Variants in PCDH15 observed in about 807,000 individuals in gnomAD.
PCDH15 encodes the protein protocadherin related 15, also known as protocadherin-15.
PCDH15 carries 129 observed loss-of-function variants against 178.5 expected under a neutral mutation model. The observed-to-expected ratio is 0.72, with a 90% CI of 0.63 to 0.84. The LOEUF is 0.84. Ranked by LOEUF, PCDH15 falls within the 40% of genes least tolerant of loss-of-function variation. The pLI is 0.00. For missense variants in PCDH15, 2,230 were observed against 2,099.9 expected, an observed-to-expected ratio of 1.06 and a Z score of -1.21; for synonymous variants, 800 against 732.0, an observed-to-expected ratio of 1.09 and a Z score of -1.50.
chr10:53,950,454 A>G (rs1003282118), intron 23 of PCDH15, among the ~76,000 whole-genome samples: 1 of 152,160 alleles, frequency 6.6e-6, no homozygotes, highest in African/African-American at 2.4e-5. Flanking sequence ...ACAAAGGCCT[A>G]CCTATATAGG....
intron 9 of PCDH15, among the ~76,000 whole-genome samples, chr10:54,216,115 T>C (rs1469991661): frequency 7.0e-6 from 1 of 143,376 alleles, no homozygotes; most frequent in African/African-American, 2.6e-5. Context: ...AATATATATA[T>C]ATAGGTTTAT....
At position 54,169,247 on chromosome 10, in the gene PCDH15, G is replaced by A. The variant is rs1339070954; in HGVS notation, c.1590+14197C>T. ...AAGACTGACACTGCTTGATCGCCTCGGAAGCCCCCTAGACAATCACGGACG... is the reference window on the plus strand; with the variant it reads ...AAGACTGACACTGCTTGATCGCCTCAGAAGCCCCCTAGACAATCACGGACG... On this transcript the variant is annotated intron_variant, in intron 13 of 37. Transcript: ENST00000644397. Among the ~76,000 whole-genome samples, 2 of 61,800 alleles carry A rather than the reference G, an allele frequency of 3.2e-5. 1 individual carries two copies. The highest frequency in any genetic ancestry group is 7.1e-5 in the Non-Finnish European group (2 of 28,294). The allele number at this position is 61,800 out of a possible 152,430, so 40.5% of individuals were successfully genotyped here.
intron 18 of PCDH15, among the ~76,000 whole-genome samples, chr10:54,057,327 A>T (rs1371641660): frequency 3.9e-5 from 6 of 152,112 alleles, no homozygotes; most frequent in African/African-American, 1.4e-4. Flanking sequence ...CTGCAGCATA[A>T]CTCTGCCTGG....
intron 32 of PCDH15, among the ~76,000 whole-genome samples, chr10:53,824,312 T>C (rs960660693): frequency 4.6e-5 from 7 of 152,162 alleles, no homozygotes; most frequent in African/African-American, 7.2e-5. Context: ...GGCTGATTGA[T>C]AGGTGGTTCC....
At chr10:54,936,222 T>C (rs982543374) in intron 2 of PCDH15, among the ~76,000 whole-genome samples, 1 of 152,074 alleles carries the variant, frequency 6.6e-6, no homozygotes, top group Non-Finnish European at 1.5e-5. Context: ...GCATATTTAT[T>C]TTATTGCCAT....
intron 33 of PCDH15, chr10:53,818,517 C>T (rs1386414198): frequency 3.9e-5 from 6 of 152,098 alleles, no homozygotes; most frequent in African/African-American, 1.4e-4. Context: ...ATAATACAAA[C>T]TATTGGCTGT....
intron 1 of PCDH15, among the ~76,000 whole-genome samples, chr10:54,787,144 G>T (rs1950952856): frequency 6.6e-6 from 1 of 151,552 alleles, no homozygotes; most frequent in South Asian, 2.1e-4. Flanking sequence ...CAGTTAATTG[G>T]TTCATTAATT....
chr10:53,823,030 G>A (rs2076407101), intron 32 of PCDH15: 3 of 1,613,808 alleles, frequency 1.9e-6, no homozygotes, highest in African/African-American at 1.3e-5. Flanking sequence ...TTTTCTCTTG[G>A]GCCCCTCAGA....
At chr10:54,609,609 C>T (rs1403020596) in intron 2 of PCDH15, among the ~76,000 whole-genome samples, 2 of 151,914 alleles carry the variant, frequency 1.3e-5, no homozygotes, top group Non-Finnish European at 2.9e-5. Flanking sequence ...AATAACCCAT[C>T]CTTGACTGAT....
At chr10:54,709,165 C>T (rs2095400645) in intron 1 of PCDH15, among the ~76,000 whole-genome samples, 2 of 152,072 alleles carry the variant, frequency 1.3e-5, no homozygotes, top group Admixed American at 6.6e-5. Flanking sequence ...CTTACACCTC[C>T]CTCTGATAAG....
chr10:54,486,408 T>C (rs1268044531), intron 3 of PCDH15: 1 of 152,084 alleles, frequency 6.6e-6, no homozygotes, highest in Non-Finnish European at 1.5e-5. Context: ...TTTTATATTC[T>C]TAAAATATTT....
rs553547481 is a variant in PCDH15 at position 55,468,846 on chromosome 10, G to C, written c.-156+158779C>G. 6.6e-5 allele frequency among the ~76,000 whole-genome samples: 10 copies of C among 152,214 alleles called. No individual in the cohort carries two copies. The South Asian group carries it at 1.9e-3, about 28-fold the overall frequency. On this transcript the variant is annotated intron_variant, in intron 2 of 5. Transcript: ENST00000613346. ...AACTATATCTCCAGCTTTAAAGCAA[G>C]AGAAGAATCATAATACTTATCTCTT... is the stretch of plus-strand genomic sequence containing the variant.
intron 1 of PCDH15, among the ~76,000 whole-genome samples, chr10:55,197,535 TA>T (rs1274824777): frequency 3.3e-5 from 5 of 152,234 alleles, no homozygotes; most frequent in African/African-American, 1.2e-4. Flanking sequence ...TTCAGATTCT[TA>T]AAAATGCCAT....
intron 25 of PCDH15, among the ~76,000 whole-genome samples, chr10:53,917,435 AG>A (rs2083618776): frequency 6.6e-6 from 1 of 152,228 alleles, no homozygotes; most frequent in Non-Finnish European, 1.5e-5. Flanking sequence ...AAATAAAAAA[AG>A]ATGAATAAAT....
rs78286984 is a variant in PCDH15, at chr10:55,566,037, C to T, written c.-156+61588G>A. 8.9e-3 allele frequency among the ~76,000 whole-genome samples: 1,356 copies of T among 151,550 alleles called. 17 individuals are homozygous for T. Among genetic ancestry groups the T allele is most frequent in the African/African-American group, 0.031 (1,272 of 41,428 alleles). On this transcript the variant is annotated intron_variant, in intron 2 of 5. Coordinates refer to the PCDH15 transcript ENST00000613346. ...GACGTATCCTTTATAAACACTGATG[C>T]AAAAATCCTCAAAAAATTTCTAGCA... is the stretch of plus-strand genomic sequence containing the variant.
At chr10:53,823,423 A>G in intron 32 of PCDH15, 2 of 1,419,724 alleles carry the variant, frequency 1.4e-6, no homozygotes, top group Non-Finnish European at 2.0e-6. Flanking sequence ...CATGAGAAAG[A>G]TGTTTTTATG....
chr10:53,924,829 T>G lies in PCDH15; in HGVS notation c.3373+13986A>C, dbSNP rs189642539. ...GACTGTAAATACACCAAATCAGCAC[T>G]CTGTGTCTAGCTCAAGGTTTGTAAA... On this transcript the variant is annotated intron_variant, in intron 25 of 37. Transcript: ENST00000644397. Among the ~76,000 whole-genome samples, 414 of 152,302 alleles carry G rather than the reference T, an allele frequency of 2.7e-3. 1 individual carries two copies. The highest frequency in any genetic ancestry group is 9.1e-3 in the African/African-American group (379 of 41,570).
At chr10:54,503,293 A>C (rs2080883238) in intron 3 of PCDH15, among the ~76,000 whole-genome samples, 1 of 144,486 alleles carries the variant, frequency 6.9e-6, no homozygotes, top group Non-Finnish European at 1.5e-5. Flanking sequence ...ATAATATATA[A>C]AATATTATAT....
chr10:55,096,932 C>T (rs992644982), intron 2 of PCDH15, among the ~76,000 whole-genome samples: 2 of 152,064 alleles, frequency 1.3e-5, no homozygotes, highest in African/African-American at 4.8e-5. Flanking sequence ...TTTCAACTGA[C>T]AGCTCACATA....
Sources: gnomAD v4.1 joint callset for allele counts (sites outside exome capture counted in the v4.1 genomes callset) on GRCh38, gnomAD v4.1.1 for gene constraint, MANE v1.5 for transcripts, NCBI Gene and HGNC (gene_info 2026-07-23, HGNC 2026-07-21) for gene names.